Variants in NARS1 observed in about 807,000 individuals in gnomAD.
The protein encoded by NARS1 is asparaginyl-tRNA synthetase 1.
A neutral mutation model predicts 79.2 loss-of-function variants in NARS1; 65 were observed. The ratio of observed to expected loss-of-function variants is 0.82; its 90% CI spans 0.67 to 1.01. The LOEUF is 1.01. Ranked by LOEUF, NARS1 falls within the 50% of genes least tolerant of loss-of-function variation. The pLI is 0.00. For synonymous variants in NARS1, 229 were observed against 238.8 expected (o/e 0.96, Z 0.38); for missense variants, 649 against 673.8 (o/e 0.96, Z 0.41).
Position 57,601,454 on chromosome 18 carries a change from T to A in NARS1, c.*198A>T. On this transcript the variant is annotated 3_prime_UTR_variant, in exon 14 of 14. Transcript: ENST00000256854. ...TTGTTTCCCGAACTTAAGAAAAAAA[T>A]GGATATTTTTTCTTAAGATGACAAC... is the stretch of plus-strand genomic sequence containing the variant. The A allele has an allele frequency of 6.4e-6, 3 of 469,322 alleles. No individual in the cohort carries two copies. Among genetic ancestry groups the A allele is most frequent in the Non-Finnish European group, 7.0e-6 (2 of 284,752 alleles). 29.1% of individuals were successfully genotyped at this position (469,322 alleles called of 1,614,324 possible). A position where few individuals can be genotyped will look rare whatever the true frequency, so the allele number is the denominator to read the frequency against.
In NARS1 at chr18:57,605,982, A is replaced by T. The variant is rs377530418; in HGVS notation, c.1138-12T>A. 2.0e-6 allele frequency: 3 copies of T among 1,536,858 alleles called. No individual in the cohort carries two copies. The highest frequency in any genetic ancestry group is 3.7e-4 in the Middle Eastern group (2 of 5,456). On this transcript the variant is annotated splice_polypyrimidine_tract_variant and intron_variant, in intron 10 of 13. Coordinates refer to ENST00000256854, the MANE Select transcript of NARS1 (RefSeq NM_004539.4). The stretch of plus-strand genomic sequence containing the variant: ...GGGGGCTGAAAGTTCTACAGAAGAA[A>T]GGAAAAATATAATGTGTATATATAC...
chr18:57,613,925 A>T (rs1027493605), intron 4 of NARS1, among the ~76,000 whole-genome samples: 6 of 152,220 alleles, frequency 3.9e-5, no homozygotes, highest in African/African-American at 1.4e-4. Flanking sequence ...CACCCAGAAG[A>T]ATTTCAGATA....
intron 7 of NARS1, 83 bp from the exon 8 acceptor site, chr18:57,607,748 A>G: frequency 4.2e-6 from 5 of 1,195,160 alleles, no homozygotes; most frequent in Non-Finnish European, 5.8e-6. Context: ...AATTTATGTC[A>G]AAGTTTTGGT....
intron 6 of NARS1, 104 bp from the exon 7 acceptor site, chr18:57,609,547 T>C (rs2051588382): frequency 2.4e-6 from 2 of 819,950 alleles, no homozygotes; most frequent in Non-Finnish European, 3.9e-6. Context: ...TCTGATCAAA[T>C]ACTAGTAAAA....
At chr18:57,609,901 G>C (rs930698179) in intron 6 of NARS1, among the ~76,000 whole-genome samples, 6 of 151,896 alleles carry the variant, frequency 4.0e-5, no homozygotes, top group African/African-American at 1.5e-4. Context: ...ATAAAAATTG[G>C]CTGGGTGTGG....
intron 2 of NARS1, among the ~76,000 whole-genome samples, chr18:57,616,739 A>G (rs1486236530): frequency 6.6e-6 from 1 of 152,108 alleles, no homozygotes; most frequent in African/African-American, 2.4e-5. Flanking sequence ...GCAGTGGCTC[A>G]GGCCTGTAAT....
rs762136860 is a variant in NARS1, at chr18:57,602,942, T to C, written c.1253A>G (p.Asp418Gly). The change falls in exon 12 of 14, where the codon GAT (aspartate) becomes GGT (glycine). Residue 418 changes from aspartate (D) to glycine (G), a missense_variant and splice_region_variant. Transcript: ENST00000256854. ...CAGTCTCTCAGGAGCTTCTGGGATA[T>C]CCTGAGGTCAAACAAGACTTCATTA... ...EDGTFYEFGEDIPEAPERLMT... is the reference protein window; with the variant it reads ...EDGTFYEFGEGIPEAPERLMT... The C allele has an allele frequency of 2.5e-6, 4 of 1,613,828 alleles. No individual in the cohort carries two copies. The highest frequency in any genetic ancestry group is 3.4e-6 in the Non-Finnish European group (4 of 1,179,898).
At position 57,602,566 on chromosome 18, in the gene NARS1, T is replaced by C. The variant is rs146074517; in HGVS notation, c.1384-80A>G. 1,079 of 1,505,292 alleles carry C rather than the reference T, an allele frequency of 7.2e-4. 13 individuals are homozygous for C. The African/African-American group carries it at 0.013, about 18-fold the overall frequency. The allele number at this position is 1,505,292 out of a possible 1,614,324, so 93.2% of individuals were successfully genotyped here. A position where few individuals can be genotyped will look rare whatever the true frequency, so the allele number is the denominator to read the frequency against. ...CACTGCCCTAGAGTTTAAATGAAAA[T>C]TACAATTAAGCTCCAAGGGCTAAAG... On this transcript the variant is annotated intron_variant, in intron 12 of 13. Transcript: ENST00000256854.
chr18:57,615,806 T>C lies in NARS1; in HGVS notation c.252+11A>G. Reference sequence around the variant, plus strand: ...TTTAACAACGTTCACGATGGCAAGGTCAGGACTCACCTCTTTCTTTTCCCG... The same window carrying C: ...TTTAACAACGTTCACGATGGCAAGGCCAGGACTCACCTCTTTCTTTTCCCG... On this transcript the variant is annotated intron_variant, in intron 3 of 13. Coordinates refer to ENST00000256854, the MANE Select transcript of NARS1 (RefSeq NM_004539.4). The C allele has an allele frequency of 6.2e-7, 1 of 1,612,464 alleles. No homozygotes were observed. Among genetic ancestry groups the C allele is most frequent in the Non-Finnish European group, 8.5e-7 (1 of 1,179,468 alleles).
At chr18:57,618,528 G>A (rs1234286375) in intron 2 of NARS1, among the ~76,000 whole-genome samples, 3 of 152,086 alleles carry the variant, frequency 2.0e-5, no homozygotes, top group Admixed American at 6.6e-5. Context: ...TCATCTAAAC[G>A]GTGTTGTCAG....
chr18:57,602,571 A>G, intron 12 of NARS1, 85 bp from the exon 13 acceptor site: 3 of 1,478,318 alleles, frequency 2.0e-6, no homozygotes, highest in South Asian at 2.5e-5. Context: ...GAAAATTACA[A>G]TTAAGCTCCA....
At chr18:57,606,354 ATAT>A (rs568967181) in intron 10 of NARS1, among the ~76,000 whole-genome samples, 2,508 of 141,612 alleles carry the variant, frequency 0.018, 76 homozygotes, top group Non-Finnish European at 0.024. Context: ...CAAAAAAAAA[ATAT>A]ATATATATAT....
intron 8 of NARS1, 40 bp from the exon 9 acceptor site, chr18:57,607,373 G>C (rs745656665): frequency 1.2e-5 from 20 of 1,609,630 alleles, no homozygotes; most frequent in Non-Finnish European, 1.7e-5. Context: ...ATGCTATCGT[G>C]AGCACCACTA....
chr18:57,606,955 G>C (rs1425250095), intron 9 of NARS1, 179 bp downstream of exon 9: 1 of 920,118 alleles, frequency 1.1e-6, no homozygotes, highest in East Asian at 2.6e-5. Flanking sequence ...TCAAGTCAAA[G>C]TGAAAAAAGA....
intron 1 of NARS1, among the ~76,000 whole-genome samples, chr18:57,621,378 G>A (rs1377407788): frequency 6.6e-6 from 1 of 151,994 alleles, no homozygotes; most frequent in Non-Finnish European, 1.5e-5. Flanking sequence ...TTGAAGAACT[G>A]CAGGAGTAGG....
chr18:57,607,378 C>T (rs1321799771), intron 8 of NARS1, 45 bp from the exon 9 acceptor site: 2 of 1,609,876 alleles, frequency 1.2e-6, no homozygotes, highest in South Asian at 1.1e-5. Context: ...ATCGTGAGCA[C>T]CACTATTCAA....
chr18:57,616,406 C>T (rs1354312160), intron 2 of NARS1, among the ~76,000 whole-genome samples: 12 of 139,740 alleles, frequency 8.6e-5, no homozygotes, highest in African/African-American at 1.1e-4. Flanking sequence ...GGCAACAGAG[C>T]GAGACTCTGT....
intron 11 of NARS1, among the ~76,000 whole-genome samples, chr18:57,604,634 A>C (rs576967613): frequency 6.6e-6 from 1 of 152,156 alleles, no homozygotes; most frequent in Non-Finnish European, 1.5e-5. Context: ...TCACGCCTGT[A>C]ATCCCAATAC....
At chr18:57,621,604 G>C (rs1483167797) in intron 1 of NARS1, 104 bp downstream of exon 1, 6 of 866,784 alleles carry the variant, frequency 6.9e-6, no homozygotes, top group Non-Finnish European at 1.2e-5. Flanking sequence ...AACATTCGCG[G>C]GGCGCCCACT....
Sources: allele counts gnomAD v4.1 joint callset (sites outside exome capture counted in the v4.1 genomes callset), GRCh38; gene constraint gnomAD v4.1.1; transcripts MANE v1.5; gene names NCBI Gene and HGNC (gene_info 2026-07-23, HGNC 2026-07-21).